CFAP46: variants seen among roughly 807,000 people sequenced by gnomAD.
CFAP46 encodes the protein cilia and flagella associated protein 46, also known as cilia- and flagella-associated protein 46.
A neutral mutation model predicts 325.7 loss-of-function variants in CFAP46; 245 were observed. That is an observed-to-expected ratio of 0.75 (90% CI 0.68 to 0.84). The LOEUF (loss-of-function observed/expected upper bound fraction) is 0.84, where lower values mean the gene tolerates loss of function less well. Ranked by LOEUF, CFAP46 falls within the 40% of genes least tolerant of loss-of-function variation. The pLI is 0.00. For synonymous variants in CFAP46, 1,523 were observed against 1,495.9 expected (o/e 1.02, Z -0.42); for missense variants, 3,346 against 3,543.0 (o/e 0.94, Z 1.41).
chr10:132,836,126 CT>C lies in CFAP46; in HGVS notation c.6613+15del, dbSNP rs766137216. ...CTGCCCTGCTCCCCCTCCCCCTCCC[CT>C]GCAGCCCTGCTCACCTCCCACCGCC... On this transcript the variant is annotated intron_variant, in intron 46 of 57. Transcript: ENST00000368586. The C allele has an allele frequency of 6.3e-7, 1 of 1,597,002 alleles. No homozygotes were observed. The highest frequency in any genetic ancestry group is 2.2e-5 in the East Asian group (1 of 44,472).
At chr10:132,851,004 C>T (rs1003883707) in intron 40 of CFAP46, 113 bp downstream of exon 40, 13 of 1,287,106 alleles carry the variant, frequency 1.0e-5, no homozygotes, top group African/African-American at 1.5e-5. Context: ...CCCAGCTGAC[C>T]CGCACCGCCA....
chr10:132,924,271 G>T (rs546485704), intron 11 of CFAP46, among the ~76,000 whole-genome samples: 1 of 151,670 alleles, frequency 6.6e-6, no homozygotes, highest in Non-Finnish European at 1.5e-5. Context: ...GATGCCTGCC[G>T]CCTGCTGCCA....
Position 132,929,807 on chromosome 10 carries a change from GCAAA to G in CFAP46, c.867-7_867-4del, listed in dbSNP as rs767105081. On this transcript the variant is annotated splice_polypyrimidine_tract_variant and splice_region_variant and intron_variant, in intron 8 of 57. Transcript: ENST00000368586. ...CCAATTCAAAAAGCAAAAGCATTCT[GCAAA>G]CAAACAAACCAGCCAGCACCGGCTC... 13 of 1,605,136 alleles carry G rather than the reference GCAAA, an allele frequency of 8.1e-6. No individual in the cohort carries two copies. Among genetic ancestry groups the G allele is most frequent in the African/African-American group, 2.7e-5 (2 of 74,736 alleles).
At position 132,920,114 on chromosome 10, in the gene CFAP46, C is replaced by T. The variant is rs549781167; in HGVS notation, c.1675G>A (p.Val559Met). 2,089 of 1,549,450 alleles carry T rather than the reference C, an allele frequency of 1.3e-3. 1 individual carries two copies. Among genetic ancestry groups the T allele is most frequent in the Admixed American group, 2.1e-3 (106 of 50,766 alleles). Residue 559 changes from valine to methionine, a missense_variant, in exon 14 of 58, where the codon GTG (valine) becomes ATG (methionine). Val to Met is a conservative substitution (Grantham distance 21). Transcript: ENST00000368586. ...CGCAGGTGCCCGGCAGCTTTGTCCA[C>T]GCTGACGGTGTGGTGCCACGCCTTC... ...CAKAWHHTVS[V>M]DKAAGHLRRL... is the part of the protein sequence containing the mutation.
chr10:132,922,896 CAAG>C (rs1338162282), intron 11 of CFAP46, among the ~76,000 whole-genome samples, 188 bp from the exon 12 acceptor site: 1 of 152,216 alleles, frequency 6.6e-6, no homozygotes, highest in Non-Finnish European at 1.5e-5. Flanking sequence ...CAAATGGGGA[CAAG>C]GAGAGAAGCC....
chr10:132,841,372 C>T (rs61862292), intron 44 of CFAP46, among the ~76,000 whole-genome samples: 12,348 of 152,320 alleles, frequency 0.081, 509 homozygotes, highest in Non-Finnish European at 0.091. Flanking sequence ...TGGTCTCTTC[C>T]GACAGCACCT....
In CFAP46 at chr10:132,929,824, C is replaced by A; in HGVS notation, c.867-20G>T. On this transcript the variant is annotated intron_variant, in intron 8 of 57. Coordinates refer to ENST00000368586, the MANE Select transcript of CFAP46 (RefSeq NM_001200049.3). The stretch of plus-strand genomic sequence containing the variant: ...AGCATTCTGCAAACAAACAAACCAG[C>A]CAGCACCGGCTCAATAGGGGGCACA... The A allele has an allele frequency of 6.3e-7, 1 of 1,591,384 alleles. No homozygotes were observed. Among genetic ancestry groups the A allele is most frequent in the Non-Finnish European group, 8.6e-7 (1 of 1,164,396 alleles).
intron 41 of CFAP46, 38 bp downstream of exon 41, chr10:132,850,206 G>T: frequency 1.3e-6 from 2 of 1,545,674 alleles, no homozygotes; most frequent in Admixed American, 2.0e-5. Context: ...GGTGACTGGT[G>T]TTGGAGCCAG....
intron 35 of CFAP46, among the ~76,000 whole-genome samples, chr10:132,864,125 C>G (rs1848767375): frequency 7.0e-6 from 1 of 143,728 alleles, no homozygotes; most frequent in African/African-American, 2.6e-5. Context: ...TTGTATGAGA[C>G]CTCCACACAC....
rs762372056 is a variant in CFAP46, at chr10:132,847,329, AC to A, written c.5953-9del. On this transcript the variant is annotated splice_polypyrimidine_tract_variant and intron_variant, in intron 41 of 57. Transcript: ENST00000368586. The surrounding 1 kb of genome is among the most constrained non-coding windows in gnomAD (Gnocchi z 5.2). ...GCTCAGCTTGGCGCCCACCTGTGAC[AC>A]ACATTGCAGGTTGGCAGACACTTCT... 3.5e-5 allele frequency: 56 copies of A among 1,613,216 alleles called. No homozygotes were observed. The highest frequency in any genetic ancestry group is 1.7e-4 in the Middle Eastern group (1 of 6,060).
intron 28 of CFAP46, 104 bp downstream of exon 28, chr10:132,880,757 T>C: frequency 1.5e-6 from 2 of 1,366,460 alleles, no homozygotes; most frequent in Non-Finnish European, 2.0e-6. Flanking sequence ...CTCCAAAGCC[T>C]GCACAGACAC....
rs1848445787 is a variant in CFAP46, at chr10:132,846,849, C to CA, written c.6267+82dup. On this transcript the variant is annotated intron_variant, in intron 43 of 57. Coordinates refer to ENST00000368586, the MANE Select transcript of CFAP46 (RefSeq NM_001200049.3). ...GCCTGCTTCTCTAATGGAGTCCCCC[C>CA]AAGGCGAGGGCCCCAGCTGAAGCCC... 3 of 1,471,914 alleles carry CA rather than the reference C, an allele frequency of 2.0e-6. No individual in the cohort carries two copies. In the East Asian group the frequency reaches 7.3e-5, roughly 36 times the overall value. 91.2% of individuals were successfully genotyped at this position (1,471,914 alleles called of 1,614,324 possible). A position where few individuals can be genotyped will look rare whatever the true frequency, so the allele number is the denominator to read the frequency against.
At chr10:132,929,572 G>T in intron 9 of CFAP46, 133 bp downstream of exon 9, 1 of 858,586 alleles carries the variant, frequency 1.2e-6, no homozygotes, top group Non-Finnish European at 2.0e-6. Context: ...AGGAAAGACG[G>T]CAATGTGCCA....
intron 47 of CFAP46, 62 bp downstream of exon 47, chr10:132,835,242 G>A: frequency 6.3e-7 from 1 of 1,587,138 alleles, no homozygotes; most frequent in Non-Finnish European, 8.6e-7. Flanking sequence ...CCAGGGTCCT[G>A]GCTCCCAGGG....
chr10:132,854,438 C>T (rs1467322542), intron 39 of CFAP46, among the ~76,000 whole-genome samples: 4 of 152,126 alleles, frequency 2.6e-5, no homozygotes, highest in Admixed American at 1.3e-4. Flanking sequence ...CCCAGGTTCA[C>T]GCCATTCTCC....
chr10:132,851,019 C>T (rs374344648), intron 40 of CFAP46, 98 bp downstream of exon 40: 2 of 1,447,804 alleles, frequency 1.4e-6, no homozygotes, highest in East Asian at 4.6e-5. Context: ...CCGCCAGGTG[C>T]ACAGTGGTGG....
At chr10:132,811,123 G>A (rs1030172027) in intron 55 of CFAP46, 92 bp from the exon 56 acceptor site, 44 of 1,106,934 alleles carry the variant, frequency 4.0e-5, no homozygotes, top group Middle Eastern at 2.0e-4. Context: ...CCCCAAGGGC[G>A]CAGCAGGGCA....
rs1259715721 is a variant in CFAP46, at chr10:132,832,397, C to CCA, written c.7117+960_7117+961insTG. 4.4e-4 allele frequency among the ~76,000 whole-genome samples: 63 copies of CCA among 142,792 alleles called. 1 individual carries two copies. The highest frequency in any genetic ancestry group is 2.5e-3 in the Admixed American group (36 of 14,480). 93.7% of individuals were successfully genotyped at this position (142,792 alleles called of 152,430 possible). On this transcript the variant is annotated intron_variant, in intron 50 of 57. Transcript: ENST00000368586. This position sits in a 1 kb window ranked among gnomAD's most constrained non-coding sequence, Gnocchi z 4.1. ...CCCCTGGGCTCTTCCTGCCCCCCCC[C>CCA]CCCAATGCTGTGGCCTGGAAATTCC...
chr10:132,933,874 A>G lies in CFAP46; in HGVS notation c.866+878T>C, dbSNP rs143882307. Among the ~76,000 whole-genome samples the G allele has an allele frequency of 9.1e-4, 139 of 152,324 alleles. 1 individual carries two copies. Among genetic ancestry groups the G allele is most frequent in the African/African-American group, 3.2e-3 (133 of 41,568 alleles). On this transcript the variant is annotated intron_variant, in intron 8 of 57. Coordinates refer to ENST00000368586, the MANE Select transcript of CFAP46 (RefSeq NM_001200049.3). ...CCCTTCCCCAGTCCAGCCTCGAGAAAAGACCCCAGACCAGTCAACACTGTG... is the reference window on the plus strand; with the variant it reads ...CCCTTCCCCAGTCCAGCCTCGAGAAGAGACCCCAGACCAGTCAACACTGTG...
Sources: allele counts gnomAD v4.1 joint callset (sites outside exome capture counted in the v4.1 genomes callset), GRCh38; gene constraint gnomAD v4.1.1; non-coding constraint Gnocchi (gnomAD v3.1); transcripts MANE v1.5; gene names NCBI Gene and HGNC (gene_info 2026-07-23, HGNC 2026-07-21).